DUSP22: variants seen among roughly 807,000 people sequenced by gnomAD.
DUSP22 encodes the protein dual specificity phosphatase 22.
DUSP22 carries 24 observed loss-of-function variants against 24.5 expected under a neutral mutation model. That is an observed-to-expected ratio of 0.98 (90% CI 0.71 to 1.38). DUSP22 has a LOEUF of 1.38. DUSP22 is among the 40% of genes most tolerant of loss of function. The pLI is 0.00. For synonymous variants in DUSP22, 160 were observed against 106.4 expected (o/e 1.50, Z -3.10); for missense variants, 330 against 269.2 (o/e 1.23, Z -1.58).
intron 3 of DUSP22, among the ~76,000 whole-genome samples, chr6:316,778 C>T (rs1468501159): frequency 6.6e-6 from 1 of 152,306 alleles, no homozygotes; most frequent in Non-Finnish European, 1.5e-5. Context: ...GAAGTATTCT[C>T]ATGCCTTCAC....
At chr6:294,875 T>C (rs1310591507) in intron 1 of DUSP22, among the ~76,000 whole-genome samples, 2 of 152,278 alleles carry the variant, frequency 1.3e-5, no homozygotes, top group African/African-American at 4.8e-5. Context: ...AAGCAGAAGA[T>C]GGGATGAAAG....
At position 350,191 on chromosome 6, in the gene DUSP22, G is replaced by A. The variant is rs1416094618; in HGVS notation, c.*1240G>A. 1 of 986,332 alleles carries A rather than the reference G, an allele frequency of 1.0e-6. No individual in the cohort carries two copies. The highest frequency in any genetic ancestry group is 4.7e-5 in the South Asian group (1 of 21,328). The allele number at this position is 986,332 out of a possible 1,614,324, so 61.1% of individuals were successfully genotyped here. On this transcript the variant is annotated 3_prime_UTR_variant, in exon 7 of 7. Coordinates refer to ENST00000419235, the MANE Select transcript of DUSP22 (RefSeq NM_001286555.3). The stretch of plus-strand genomic sequence containing the variant: ...CATGATTGCTTTTGAAACCAAAGGG[G>A]AAGGTACCGATATCATTGAGCTATT...
chr6:313,754 CT>C (rs1340226460), intron 3 of DUSP22, among the ~76,000 whole-genome samples: 3 of 152,302 alleles, frequency 2.0e-5, no homozygotes, highest in African/African-American at 7.2e-5. Flanking sequence ...AGTATTGCCC[CT>C]CTTAGCATTT....
At chr6:339,800 C>T (rs1021195981) in intron 4 of DUSP22, among the ~76,000 whole-genome samples, 1 of 152,308 alleles carries the variant, frequency 6.6e-6, no homozygotes, top group Non-Finnish European at 1.5e-5. Flanking sequence ...TTAACTGACA[C>T]CTTCTGTACT....
chr6:293,736 A>T (rs892100119), intron 1 of DUSP22, among the ~76,000 whole-genome samples: 2 of 147,120 alleles, frequency 1.4e-5, no homozygotes, highest in Non-Finnish European at 3.0e-5. Context: ...TGAAAGAACT[A>T]TTGTGTGTTT....
chr6:302,297 C>T (rs1384371090), intron 1 of DUSP22, among the ~76,000 whole-genome samples: 1 of 152,304 alleles, frequency 6.6e-6, no homozygotes, highest in Non-Finnish European at 1.5e-5. Context: ...CATTTCATGG[C>T]ACCTAACTTG....
chr6:292,642 C>A, intron 1 of DUSP22, 82 bp downstream of exon 1: 1 of 1,531,796 alleles, frequency 6.5e-7, no homozygotes, highest in Non-Finnish European at 8.8e-7. Context: ...CCCGACGACT[C>A]GAGCCCGGGG....
At chr6:299,131 A>G (rs1252916870) in intron 1 of DUSP22, among the ~76,000 whole-genome samples, 2 of 152,304 alleles carry the variant, frequency 1.3e-5, no homozygotes, top group Admixed American at 6.5e-5. Flanking sequence ...GGACATTCCC[A>G]AGTTGCCTTT....
At chr6:296,485 A>G (rs1477733188) in intron 1 of DUSP22, among the ~76,000 whole-genome samples, 1 of 152,308 alleles carries the variant, frequency 6.6e-6, no homozygotes, top group African/African-American at 2.4e-5. Flanking sequence ...TAGTCTAGTA[A>G]ATGTCTCTGG....
intron 2 of DUSP22, 116 bp from the exon 3 acceptor site, chr6:311,764 T>C: frequency 8.6e-7 from 1 of 1,157,676 alleles, no homozygotes; most frequent in South Asian, 1.6e-5. Flanking sequence ...AGTTATGAAG[T>C]TTCAGGAAAG....
chr6:306,489 G>C (rs1168958749), intron 2 of DUSP22, among the ~76,000 whole-genome samples: 1 of 152,308 alleles, frequency 6.6e-6, no homozygotes, highest in Non-Finnish European at 1.5e-5. Flanking sequence ...GTCTATGAGA[G>C]TGTTGTAAAC....
At chr6:296,581 T>A (rs1403959073) in intron 1 of DUSP22, among the ~76,000 whole-genome samples, 1 of 152,310 alleles carries the variant, frequency 6.6e-6, no homozygotes, top group African/African-American at 2.4e-5. Flanking sequence ...TGACTCAAAG[T>A]TCTCTCGAGT....
chr6:337,294 A>G (rs1455714516), intron 4 of DUSP22: 1 of 152,450 alleles, frequency 6.6e-6, no homozygotes, highest in African/African-American at 2.4e-5. Flanking sequence ...CCATCTGAAA[A>G]TGCCTGCCCT....
intron 2 of DUSP22, 130 bp from the exon 3 acceptor site, chr6:311,750 G>C: frequency 1.0e-6 from 1 of 961,648 alleles, no homozygotes; most frequent in Non-Finnish European, 1.5e-6. Context: ...CTACATGTAT[G>C]GTCAGTTATG....
In DUSP22 at chr6:350,434, C is replaced by A; in HGVS notation, c.*1483C>A. On this transcript the variant is annotated 3_prime_UTR_variant, in exon 7 of 7. Coordinates refer to ENST00000419235, the MANE Select transcript of DUSP22 (RefSeq NM_001286555.3). ...TCGACCTCTCCCTAAAAAGATGTTGCAACCCAGTTTCTCTGAATTCCACCA... is the reference window on the plus strand; with the variant it reads ...TCGACCTCTCCCTAAAAAGATGTTGAAACCCAGTTTCTCTGAATTCCACCA... 1 of 1,123,504 alleles carries A rather than the reference C, an allele frequency of 8.9e-7. No individual in the cohort carries two copies. The highest frequency in any genetic ancestry group is 2.4e-5 in the South Asian group (1 of 42,166). 69.6% of individuals were successfully genotyped at this position (1,123,504 alleles called of 1,614,324 possible).
chr6:339,713 C>G (rs1229081652), intron 4 of DUSP22, among the ~76,000 whole-genome samples: 2 of 152,304 alleles, frequency 1.3e-5, no homozygotes, highest in African/African-American at 2.4e-5. Flanking sequence ...TTTAGCAATA[C>G]AGAGAGCCTA....
At chr6:327,449 A>T (rs148423207) in intron 3 of DUSP22, among the ~76,000 whole-genome samples, 254 of 152,362 alleles carry the variant, frequency 1.7e-3, no homozygotes, top group Middle Eastern at 0.014. Context: ...CACATGTTTA[A>T]AATTCTGAAA....
At chr6:342,596 G>C (rs1444609382) in intron 4 of DUSP22, among the ~76,000 whole-genome samples, 1 of 152,312 alleles carries the variant, frequency 6.6e-6, no homozygotes, top group Non-Finnish European at 1.5e-5. Flanking sequence ...ACTAGTTGCT[G>C]ATATCAGGTA....
chr6:318,028 T>C (rs1176806080), intron 3 of DUSP22, among the ~76,000 whole-genome samples: 1 of 152,308 alleles, frequency 6.6e-6, no homozygotes, highest in Non-Finnish European at 1.5e-5. Context: ...GCCTCGCTTA[T>C]ATGGGCAGTC....
Sources: gnomAD v4.1 joint callset for allele counts (sites outside exome capture counted in the v4.1 genomes callset) on GRCh38, gnomAD v4.1.1 for gene constraint, MANE v1.5 for transcripts, NCBI Gene and HGNC (gene_info 2026-07-23, HGNC 2026-07-21) for gene names.